Variants in PHF11 observed in about 807,000 individuals in gnomAD.
PHF11 encodes the protein BRCA1 C-terminus-associated protein.
A neutral mutation model predicts 40.5 loss-of-function variants in PHF11; 38 were observed. The observed-to-expected ratio is 0.94, with a 90% CI of 0.72 to 1.23. PHF11 has a LOEUF of 1.23. Ranked by LOEUF, PHF11 falls within the 50% of genes most tolerant of loss-of-function variation. The probability of loss-of-function intolerance (pLI) is 0.00; values close to 1 mark genes in which losing one functional copy is unlikely to be tolerated. For synonymous variants in PHF11, 127 were observed against 138.2 expected (o/e 0.92, Z 0.57); for missense variants, 369 against 392.4 (o/e 0.94, Z 0.50).
intron 4 of PHF11, among the ~76,000 whole-genome samples, chr13:49,519,480 A>G (rs190879488): frequency 6.6e-6 from 1 of 152,284 alleles, no homozygotes; most frequent in Admixed American, 6.5e-5. Context: ...ATCAAGGAAC[A>G]GGTGAATTTT....
Position 49,513,449 on chromosome 13 carries a change from G to A in PHF11, c.324+283G>A, listed in dbSNP as rs183391015. On this transcript the variant is annotated intron_variant, in intron 3 of 9. Transcript: ENST00000378319. ...GGGTTCAAGCGATTCTCCTGCCTCA[G>A]CCTCCCGAGTAGCTAGGATTACAGG... Among the ~76,000 whole-genome samples the A allele has an allele frequency of 1.4e-4, 21 of 151,016 alleles. No homozygotes were observed. In the East Asian group the frequency reaches 3.5e-3, roughly 25 times the overall value.
intron 1 of PHF11, among the ~76,000 whole-genome samples, chr13:49,498,649 G>A (rs943964527): frequency 3.3e-5 from 5 of 152,082 alleles, no homozygotes; most frequent in African/African-American, 1.2e-4. Flanking sequence ...TGACAGTAAC[G>A]TAATACATTT....
intron 1 of PHF11, among the ~76,000 whole-genome samples, chr13:49,496,766 T>G (rs926818878): frequency 1.3e-5 from 2 of 150,866 alleles, no homozygotes; most frequent in Non-Finnish European, 1.5e-5. Flanking sequence ...GAGGTACAGA[T>G]GAGAGACTCC....
chr13:49,505,373 G>A (rs1331691642), intron 1 of PHF11, among the ~76,000 whole-genome samples: 26 of 152,062 alleles, frequency 1.7e-4, no homozygotes. Context: ...AGCTCCAAAT[G>A]CAGCCTTCTG....
intron 1 of PHF11, chr13:49,496,506 G>C (rs1958812888): frequency 1.1e-6 from 1 of 940,928 alleles, no homozygotes; most frequent in Non-Finnish European, 1.3e-6. Context: ...CGGCCCTGAG[G>C]GAAGAGCTGG....
chr13:49,519,689 G>A (rs1959178347), intron 4 of PHF11, among the ~76,000 whole-genome samples: 1 of 65,032 alleles, frequency 1.5e-5, no homozygotes, highest in Non-Finnish European at 2.7e-5. Flanking sequence ...AAAGGAGCTT[G>A]GCCTTGAGAA....
At chr13:49,504,600 A>C (rs1958956343) in intron 1 of PHF11, among the ~76,000 whole-genome samples, 1 of 139,814 alleles carries the variant, frequency 7.2e-6, no homozygotes, top group Non-Finnish European at 1.5e-5. Context: ...GTGGGGGGTC[A>C]GCCCCCCGCC....
intron 2 of PHF11, among the ~76,000 whole-genome samples, chr13:49,510,755 G>A (rs534865430): frequency 6.6e-6 from 1 of 152,340 alleles, no homozygotes; most frequent in East Asian, 1.9e-4. Flanking sequence ...AGAGGCGTGA[G>A]CTACCGCTCC....
At chr13:49,513,433 C>T (rs992511163) in intron 3 of PHF11, among the ~76,000 whole-genome samples, 4 of 150,774 alleles carry the variant, frequency 2.7e-5, no homozygotes, top group Admixed American at 6.6e-5. Context: ...TGGGTTCAAG[C>T]GATTCTCCTG....
intron 3 of PHF11, among the ~76,000 whole-genome samples, chr13:49,514,534 TGC>T (rs1490199785): frequency 2.0e-5 from 3 of 152,052 alleles, no homozygotes; most frequent in Non-Finnish European, 4.4e-5. Context: ...AGTTGAGGAC[TGC>T]TTGAGCCCAG....
chr13:49,496,518 T>A, intron 1 of PHF11: 1 of 896,930 alleles, frequency 1.1e-6, no homozygotes, highest in Non-Finnish European at 1.3e-6. Flanking sequence ...AAGAGCTGGG[T>A]CTCACGTTCA....
At position 49,519,757 on chromosome 13, in the gene PHF11, T is replaced by C. The variant is rs149138498; in HGVS notation, c.459-1137T>C. On this transcript the variant is annotated intron_variant, in intron 4 of 9. Coordinates refer to ENST00000378319, the MANE Select transcript of PHF11 (RefSeq NM_001040443.3). Reference sequence around the variant, plus strand: ...GGGTTCATCCTGATATTTTCAACACTGTTTTATATGTTTGAAAAAATTTAA... The same window carrying C: ...GGGTTCATCCTGATATTTTCAACACCGTTTTATATGTTTGAAAAAATTTAA... Among the ~76,000 whole-genome samples the C allele has an allele frequency of 3.5e-4, 53 of 152,256 alleles. No individual in the cohort carries two copies. The East Asian group carries it at 8.3e-3, about 24-fold the overall frequency.
At chr13:49,496,562 C>G (rs923959114) in intron 1 of PHF11, 36 of 485,472 alleles carry the variant, frequency 7.4e-5, no homozygotes, top group Non-Finnish European at 9.1e-5. Flanking sequence ...CTCCCCTTCT[C>G]CAGTCGTTCC....
chr13:49,511,606 G>A (rs1959084030), intron 2 of PHF11, among the ~76,000 whole-genome samples: 1 of 152,176 alleles, frequency 6.6e-6, no homozygotes, highest in Non-Finnish European at 1.5e-5. Context: ...GGGATTACAG[G>A]CGTGAGCCAC....
chr13:49,504,275 C>T (rs1361634327), intron 1 of PHF11, among the ~76,000 whole-genome samples: 1 of 149,840 alleles, frequency 6.7e-6, no homozygotes, highest in Non-Finnish European at 1.5e-5. Flanking sequence ...AATGGGACCC[C>T]TGTCTCTAAA....
intron 4 of PHF11, among the ~76,000 whole-genome samples, chr13:49,519,018 G>A (rs1959175126): frequency 6.6e-6 from 1 of 151,726 alleles, no homozygotes; most frequent in South Asian, 2.1e-4. Context: ...TGTATTTTTA[G>A]TAGAGACGGG....
Position 49,524,168 on chromosome 13 carries a change from G to C in PHF11, c.721G>C (p.Val241Leu). The change falls in exon 8 of 10, where the codon GTT becomes CTT. Residue 241 changes from valine to leucine, a missense_variant. Val to Leu is a conservative substitution (Grantham distance 32, BLOSUM62 1). Coordinates refer to ENST00000378319, the MANE Select transcript of PHF11 (RefSeq NM_001040443.3). Reference sequence around the variant, plus strand: ...CTTACTTGAAGAAATATTAGACAAAGTTCATTCAATTCCAGAAAAACTCAT... The same window carrying C: ...CTTACTTGAAGAAATATTAGACAAACTTCATTCAATTCCAGAAAAACTCAT... ...NYLLEEILDK[V>L]HSIPEKLMDE... The C allele has an allele frequency of 1.2e-6, 2 of 1,608,684 alleles. No homozygotes were observed. The highest frequency in any genetic ancestry group is 1.7e-6 in the Non-Finnish European group (2 of 1,176,040).
rs191985711 is a variant in PHF11 at position 49,521,458 on chromosome 13, C to T, written c.505+518C>T. ...TCATTGTGAAGTGGAGTCAGGACCT[C>T]GTTGGAAGACTTCGTTCTGCGTCAT... On this transcript the variant is annotated intron_variant, in intron 5 of 9. Transcript: ENST00000378319. 203 of 986,146 alleles carry T rather than the reference C, an allele frequency of 2.1e-4. 1 individual carries two copies. The African/African-American group carries it at 3.3e-3, about 16-fold the overall frequency. The allele number at this position is 986,146 out of a possible 1,614,324, so 61.1% of individuals were successfully genotyped here. A position where few individuals can be genotyped will look rare whatever the true frequency, so the allele number is the denominator to read the frequency against.
intron 1 of PHF11, among the ~76,000 whole-genome samples, chr13:49,501,597 T>A (rs1394547470): frequency 6.6e-6 from 1 of 152,228 alleles, no homozygotes; most frequent in Non-Finnish European, 1.5e-5. Context: ...TTTAAATTAG[T>A]GGCTAACCAT....
Sources: gnomAD v4.1 joint callset for allele counts (sites outside exome capture counted in the v4.1 genomes callset) on GRCh38, gnomAD v4.1.1 for gene constraint, MANE v1.5 for transcripts, NCBI Gene and HGNC (gene_info 2026-07-23, HGNC 2026-07-21) for gene names.